The following DMRT2 variants were observed in gnomAD, a reference collection of about 807,000 sequenced individuals.
The protein encoded by DMRT2 is doublesex- and mab-3-related transcription factor 2.
DMRT2 carries 33 observed loss-of-function variants against 43.5 expected under a neutral mutation model. That is an observed-to-expected ratio of 0.76 (90% CI 0.58 to 1.01). The LOEUF (loss-of-function observed/expected upper bound fraction) is 1.01. DMRT2 is among the 50% of genes least tolerant of loss of function. DMRT2 has a pLI of 0.00. For missense variants in DMRT2, 1,064 were observed against 748.0 expected (o/e 1.42, Z -4.93); for synonymous variants, 395 against 309.2 (o/e 1.28, Z -2.91).
At chr9:1,053,700 A>G (rs945213517) in intron 2 of DMRT2, 22 bp from the exon 3 acceptor site, 1 of 1,598,318 alleles carries the variant, frequency 6.3e-7, no homozygotes, top group South Asian at 1.1e-5. Context: ...GGCATTATTG[A>G]TGATGTTTCT....
At position 1,057,466 on chromosome 9, in the gene DMRT2, T is replaced by C; in HGVS notation, c.*193T>C. 1.6e-6 allele frequency: 1 copy of C among 614,156 alleles called. No homozygotes were observed. The highest frequency in any genetic ancestry group is 2.7e-6 in the Non-Finnish European group (1 of 371,238). 38.0% of individuals were successfully genotyped at this position (614,156 alleles called of 1,614,324 possible). On this transcript the variant is annotated 3_prime_UTR_variant, in exon 4 of 4. Transcript: ENST00000358146. ...ATATATTTAAACTTACAGATGGAAA[T>C]TGCCCAATGTGCAAATTGTTAAGTA...
Position 1,057,334 on chromosome 9 carries a change from A to G in DMRT2, c.*61A>G. 6.7e-7 allele frequency: 1 copy of G among 1,488,620 alleles called. No homozygotes were observed. The highest frequency in any genetic ancestry group is 8.9e-7 in the Non-Finnish European group (1 of 1,118,432). 92.2% of individuals were successfully genotyped at this position (1,488,620 alleles called of 1,614,324 possible). ...TCTTAGAGCATTATAGCCATTTGCT[A>G]CTTTTTTTAAAAGTTAAGATGTTTG... On this transcript the variant is annotated 3_prime_UTR_variant, in exon 4 of 4. Transcript: ENST00000358146.
chr9:1,057,543 A>G lies in DMRT2; in HGVS notation c.*270A>G, dbSNP rs1004708607. ...GCAATAAAATTGACACTGTCTTCTC[A>G]AAGACCCAATATTTGCCGAAGCAAA... On this transcript the variant is annotated 3_prime_UTR_variant, in exon 4 of 4. Transcript: ENST00000358146. The G allele has an allele frequency of 1.3e-5, 5 of 372,616 alleles. No individual in the cohort carries two copies. The South Asian group carries it at 2.2e-4, about 16-fold the overall frequency. 23.1% of individuals were successfully genotyped at this position (372,616 alleles called of 1,614,324 possible).
Position 1,056,922 on chromosome 9 carries a change from G to C in DMRT2, c.1335G>C (p.Leu445=). ...NFSPIVDTDS[L]AAQGHVLTKI... is the part of the protein sequence containing the mutation. Reference sequence around the variant, plus strand: ...CTCCCATTGTTGACACGGACTCCCTGGCAGCTCAAGGGCATGTCTTAACGA... The same window carrying C: ...CTCCCATTGTTGACACGGACTCCCTCGCAGCTCAAGGGCATGTCTTAACGA... The change falls in exon 4 of 4, where the codon CTG becomes CTC. Residue 445 remains leucine (L), a synonymous_variant. Transcript: ENST00000358146. The C allele has an allele frequency of 6.2e-7, 1 of 1,614,114 alleles. No homozygotes were observed. The highest frequency in any genetic ancestry group is 8.5e-7 in the Non-Finnish European group (1 of 1,180,028).
Position 1,053,835 on chromosome 9 carries a change from A to G in DMRT2, c.628+11A>G. ...AAAGCATTTTAGAAGGTAAAGCAAC[A>G]AAATTATCCTTCAGCCTTTTAAACA... On this transcript the variant is annotated intron_variant, in intron 3 of 3. Coordinates refer to ENST00000358146, the MANE Select transcript of DMRT2 (RefSeq NM_181872.6). The G allele has an allele frequency of 6.2e-7, 1 of 1,609,390 alleles. No individual in the cohort carries two copies. Among genetic ancestry groups the G allele is most frequent in the East Asian group, 2.2e-5 (1 of 44,858 alleles).
intron 3 of DMRT2, 81 bp from the exon 4 acceptor site, chr9:1,056,135 T>G: frequency 6.6e-7 from 1 of 1,526,302 alleles, no homozygotes; most frequent in Non-Finnish European, 8.7e-7. Context: ...TGATCTGTAG[T>G]GTTGCTGTTA....
chr9:1,052,304 C>G (rs1821652381), intron 2 of DMRT2, among the ~76,000 whole-genome samples, 166 bp downstream of exon 2: 1 of 151,894 alleles, frequency 6.6e-6, no homozygotes, highest in Non-Finnish European at 1.5e-5. Context: ...CGAGCAGGGT[C>G]GGGAGGGAAA....
rs1323065134 is a variant in DMRT2 at position 1,051,580 on chromosome 9, G to A, written c.-34G>A. The A allele has an allele frequency of 6.7e-7, 1 of 1,488,508 alleles. No individual in the cohort carries two copies. Among genetic ancestry groups the A allele is most frequent in the East Asian group, 2.6e-5 (1 of 38,292 alleles). 92.2% of individuals were successfully genotyped at this position (1,488,508 alleles called of 1,614,324 possible). ...TTTGTGTTTCCCCAGAGTGAGGGCC[G>A]CCAGGCTCAGGCCCCAGCGAAGCCC... On this transcript the variant is annotated 5_prime_UTR_variant, in exon 2 of 4. Transcript: ENST00000358146. The surrounding 1 kb of genome is among the most constrained non-coding windows in gnomAD (Gnocchi z 5.9).
In DMRT2 at chr9:1,056,806, A is replaced by G. The variant is rs765548746; in HGVS notation, c.1219A>G (p.Thr407Ala). The change falls in exon 4 of 4, where the codon ACT becomes GCT. Residue 407 changes from threonine to alanine, a missense_variant. Thr to Ala is a moderately conservative substitution (Grantham distance 58). Coordinates refer to ENST00000358146, the MANE Select transcript of DMRT2 (RefSeq NM_181872.6). ...KLEGSLVLPH[T>A]PEIQTTRSDL... ...GGAAGGTTCCCTGGTGCTGCCTCAC[A>G]CTCCTGAGATCCAGACCACGAGAAG... The G allele has an allele frequency of 4.5e-5, 72 of 1,613,548 alleles. No individual in the cohort carries two copies. The highest frequency in any genetic ancestry group is 5.8e-5 in the Non-Finnish European group (69 of 1,179,950).
At chr9:1,055,099 G>T (rs1821881981) in intron 3 of DMRT2, among the ~76,000 whole-genome samples, 1 of 152,132 alleles carries the variant, frequency 6.6e-6, no homozygotes, top group Non-Finnish European at 1.5e-5. Flanking sequence ...CTGAGATTAT[G>T]CAAAGCAACT....
intron 3 of DMRT2, among the ~76,000 whole-genome samples, chr9:1,054,988 G>A (rs1821870606): frequency 6.6e-6 from 1 of 152,148 alleles, no homozygotes; most frequent in South Asian, 2.1e-4. Context: ...CCTATCATGT[G>A]TTGTATACTT....
intron 3 of DMRT2, chr9:1,056,014 G>C (rs1821958275): frequency 7.1e-7 from 1 of 1,413,576 alleles, no homozygotes; most frequent in South Asian, 1.7e-5. Context: ...ACAAGAAGAA[G>C]TTGCAGTATG....
Position 1,055,735 on chromosome 9 carries a change from A to G in DMRT2, c.629-481A>G, listed in dbSNP as rs1459265409. ...CTTTTTTCCTAGTTCTCCTTGGATT[A>G]TTCTACAGCTATTATGTGTACATAA... On this transcript the variant is annotated intron_variant, in intron 3 of 3. Transcript: ENST00000358146. 6 of 1,500,814 alleles carry G rather than the reference A, an allele frequency of 4.0e-6. No individual in the cohort carries two copies. The African/African-American group carries it at 4.4e-5, about 11-fold the overall frequency. 93.0% of individuals were successfully genotyped at this position (1,500,814 alleles called of 1,614,324 possible). A position where few individuals can be genotyped will look rare whatever the true frequency, so the allele number is the denominator to read the frequency against.
In DMRT2 at chr9:1,057,187, A is replaced by C; in HGVS notation, c.1600A>C (p.Lys534Gln). 6.2e-7 allele frequency: 1 copy of C among 1,614,156 alleles called. No individual in the cohort carries two copies. The highest frequency in any genetic ancestry group is 8.5e-7 in the Non-Finnish European group (1 of 1,180,036). Residue 534 changes from lysine (K) to glutamine (Q), a missense_variant, in exon 4 of 4, where the codon AAA becomes CAA. Coordinates refer to ENST00000358146, the MANE Select transcript of DMRT2 (RefSeq NM_181872.6). The stretch of plus-strand genomic sequence containing the variant: ...TTTTGTAGCCAAACAAGTTGGAACA[A>C]AACTCTCGGTGAATGAACCACTGTC... The part of the protein sequence containing the change: ...DLFVAKQVGT[K>Q]LSVNEPLSFS...
chr9:1,052,051 C>G lies in DMRT2; in HGVS notation c.438C>G (p.Asp146Glu). ...ACAAGCGCTTCTGTCGCTGGCGCGA[C>G]TGCCAGTGCGCCAACTGCCTGCTGG... ...KGHKRFCRWR[D>E]CQCANCLLVV... Residue 146 changes from aspartate to glutamate, a missense_variant, in exon 2 of 4, where the codon GAC (aspartate) becomes GAG (glutamate). Physicochemically the swap from Asp to Glu is conservative, Grantham distance 45. Coordinates refer to ENST00000358146, the MANE Select transcript of DMRT2 (RefSeq NM_181872.6). 1 of 1,472,068 alleles carries G rather than the reference C, an allele frequency of 6.8e-7. No homozygotes were observed. The highest frequency in any genetic ancestry group is 8.9e-7 in the Non-Finnish European group (1 of 1,118,126). 91.2% of individuals were successfully genotyped at this position (1,472,068 alleles called of 1,614,324 possible).
chr9:1,051,446 A>T lies in DMRT2; in HGVS notation c.-44-124A>T, dbSNP rs1302964914. On this transcript the variant is annotated intron_variant, in intron 1 of 3. Coordinates refer to ENST00000358146, the MANE Select transcript of DMRT2 (RefSeq NM_181872.6). The surrounding 1 kb of genome is among the most constrained non-coding windows in gnomAD (Gnocchi z 5.9). ...CACGTGTGGCCTGGAAGTGAGGGACATGTAATGAGAACAGGATGACTCAAG... is the reference window on the plus strand; with the variant it reads ...CACGTGTGGCCTGGAAGTGAGGGACTTGTAATGAGAACAGGATGACTCAAG... 2.7e-5 allele frequency: 31 copies of T among 1,143,288 alleles called. No homozygotes were observed. Among genetic ancestry groups the T allele is most frequent in the Admixed American group, 3.8e-5 (1 of 26,490 alleles). The allele number at this position is 1,143,288 out of a possible 1,614,324, so 70.8% of individuals were successfully genotyped here.
In DMRT2 at chr9:1,057,098, G is replaced by T. The variant is rs1822057232; in HGVS notation, c.1511G>T (p.Arg504Ile). The T allele has an allele frequency of 6.2e-7, 1 of 1,614,110 alleles. No homozygotes were observed. The highest frequency in any genetic ancestry group is 1.3e-5 in the African/African-American group (1 of 75,014). ...EAFEETPKKH[R>I]ECLVKDNQKY... is the part of the protein sequence containing the mutation. Reference sequence around the variant, plus strand: ...TTTGAAGAGACCCCTAAGAAACACAGAGAGTGTTTAGTTAAGGACAACCAG... The same window carrying T: ...TTTGAAGAGACCCCTAAGAAACACATAGAGTGTTTAGTTAAGGACAACCAG... Residue 504 changes from arginine (R) to isoleucine (I), a missense_variant, in exon 4 of 4, where the codon AGA (arginine) becomes ATA (isoleucine). Arg to Ile is a moderately conservative substitution (Grantham distance 97). Transcript: ENST00000358146.
At position 1,057,340 on chromosome 9, in the gene DMRT2, T is replaced by A; in HGVS notation, c.*67T>A. 6.8e-7 allele frequency: 1 copy of A among 1,479,238 alleles called. No homozygotes were observed. Among genetic ancestry groups the A allele is most frequent in the Non-Finnish European group, 9.0e-7 (1 of 1,111,476 alleles). 91.6% of individuals were successfully genotyped at this position (1,479,238 alleles called of 1,614,324 possible). A position where few individuals can be genotyped will look rare whatever the true frequency, so the allele number is the denominator to read the frequency against. On this transcript the variant is annotated 3_prime_UTR_variant, in exon 4 of 4. Transcript: ENST00000358146. ...AGCATTATAGCCATTTGCTACTTTT[T>A]TTAAAAGTTAAGATGTTTGTGTAAA...
chr9:1,053,803 C>T lies in DMRT2; in HGVS notation c.607C>T (p.Leu203=), dbSNP rs770591982. ...GAGGCAAGTCAGAGCCCCCAGTTTG[C>T]TGGCCAAAAGCATTTTAGAAGGTAA... ...YQRQVRAPSL[L]AKSILEGYRP... Residue 203 remains leucine (L), a synonymous_variant, in exon 3 of 4, where the codon CTG becomes TTG. Coordinates refer to ENST00000358146, the MANE Select transcript of DMRT2 (RefSeq NM_181872.6). The T allele has an allele frequency of 1.9e-6, 3 of 1,614,038 alleles. No individual in the cohort carries two copies. Among genetic ancestry groups the T allele is most frequent in the Admixed American group, 1.7e-5 (1 of 59,982 alleles).
Sources: gnomAD v4.1 joint callset for allele counts (sites outside exome capture counted in the v4.1 genomes callset) on GRCh38, gnomAD v4.1.1 for gene constraint, Gnocchi (gnomAD v3.1) non-coding constraint, MANE v1.5 for transcripts, NCBI Gene and HGNC (gene_info 2026-07-23, HGNC 2026-07-21) for gene names.